Variants in MASP1 observed in about 807,000 individuals in gnomAD.
The protein encoded by MASP1 is MBL associated serine protease 1, also known as mannan-binding lectin serine protease 1.
MASP1 carries 59 observed loss-of-function variants against 77.1 expected under a neutral mutation model. The ratio of observed to expected loss-of-function variants is 0.77; its 90% CI spans 0.62 to 0.95. The LOEUF (loss-of-function observed/expected upper bound fraction) is 0.95, where lower values mean the gene tolerates loss of function less well. MASP1 is among the 40% of genes least tolerant of loss of function. The pLI is 0.00. For missense variants in MASP1, 885 were observed against 912.9 expected, an observed-to-expected ratio of 0.97 and a Z score of 0.39; for synonymous variants, 362 against 354.5, an observed-to-expected ratio of 1.02 and a Z score of -0.24.
At chr3:187,239,251 G>T (rs752218397) in intron 10 of MASP1, among the ~76,000 whole-genome samples, 1 of 151,982 alleles carries the variant, frequency 6.6e-6, no homozygotes, top group East Asian at 1.9e-4. Flanking sequence ...TACTCGAGAG[G>T]CTGAGGCAAG....
At chr3:187,224,255 G>A (rs1388424051) in intron 13 of MASP1, among the ~76,000 whole-genome samples, 1 of 152,106 alleles carries the variant, frequency 6.6e-6, no homozygotes, top group Non-Finnish European at 1.5e-5. Context: ...GAGGTAAGGG[G>A]ATTGAGGCTT....
At chr3:187,265,924 G>A (rs1168236091) in intron 2 of MASP1, among the ~76,000 whole-genome samples, 1 of 152,074 alleles carries the variant, frequency 6.6e-6, no homozygotes, top group Non-Finnish European at 1.5e-5. Context: ...TAAACAGAGG[G>A]GTCACTGGTC....
intron 3 of MASP1, 129 bp from the exon 4 acceptor site, chr3:187,261,001 C>T: frequency 9.3e-7 from 1 of 1,074,132 alleles, no homozygotes; most frequent in Non-Finnish European, 1.4e-6. Flanking sequence ...ATTTAATCCT[C>T]TCATACAGCC....
At chr3:187,226,593 C>A in intron 11 of MASP1, 1 of 1,023,548 alleles carries the variant, frequency 9.8e-7, no homozygotes, top group South Asian at 1.4e-5. Flanking sequence ...AGCTGAGGAT[C>A]TTCAGGCTAC....
intron 13 of MASP1, among the ~76,000 whole-genome samples, chr3:187,224,809 G>A (rs147379746): frequency 2.0e-4 from 31 of 152,352 alleles, no homozygotes; most frequent in African/African-American, 7.0e-4. Context: ...TGCTTTGGCT[G>A]TTGGCATCAT....
Position 187,235,690 on chromosome 3 carries a change from TTCCACCTGGGGC to T in MASP1, c.2169_2180del (p.Pro724_Glu727del). 3 of 1,614,126 alleles carry T rather than the reference TTCCACCTGGGGC, an allele frequency of 1.9e-6. No individual in the cohort carries two copies. The South Asian group carries it at 3.3e-5, about 18-fold the overall frequency. ...CCCGAGGAAGTAAGTCAGCTCACCG[TTCCACCTGGGGC>T]TCCACAACACTTTGTGGTAAGCCCA... On this transcript the variant is annotated inframe_deletion, in exon 11 of 11. Coordinates refer to ENST00000296280, the MANE Select transcript of MASP1 (RefSeq NM_139125.4).
downstream of MASP1, chr3:187,229,666 A>T: frequency 6.8e-7 from 1 of 1,470,640 alleles, no homozygotes; most frequent in Non-Finnish European, 9.4e-7. Context: ...CCCTGATGCT[A>T]GTGTGCACAA....
At chr3:187,286,955 C>G (rs1302100589) in intron 1 of MASP1, among the ~76,000 whole-genome samples, 1 of 152,178 alleles carries the variant, frequency 6.6e-6, no homozygotes, top group East Asian at 1.9e-4. Context: ...TTTTCATTTA[C>G]CCCAGAGTCA....
chr3:187,235,312 A>T lies in MASP1; in HGVS notation c.*372T>A. 7.5e-7 allele frequency: 1 copy of T among 1,337,762 alleles called. No individual in the cohort carries two copies. The highest frequency in any genetic ancestry group is 1.2e-5 in the South Asian group (1 of 81,402). The allele number at this position is 1,337,762 out of a possible 1,614,324, so 82.9% of individuals were successfully genotyped here. ...CAGGTCCAAGCTCAGTTATACCAAC[A>T]GTAGGACCGATGGGTTTGATAAGTG... On this transcript the variant is annotated 3_prime_UTR_variant, in exon 11 of 11. Coordinates refer to ENST00000296280, the MANE Select transcript of MASP1 (RefSeq NM_139125.4).
At chr3:187,223,963 G>T (rs935180130) in intron 13 of MASP1, among the ~76,000 whole-genome samples, 3 of 152,176 alleles carry the variant, frequency 2.0e-5, no homozygotes, top group African/African-American at 4.8e-5. Context: ...GGCTTGCATG[G>T]TTCGTAAATA....
intron 7 of MASP1, 156 bp downstream of exon 7, chr3:187,251,478 T>G: frequency 1.4e-6 from 1 of 707,534 alleles, no homozygotes; most frequent in South Asian, 1.5e-5. Flanking sequence ...GACGCATGCT[T>G]TGGAATTTCT....
downstream of MASP1, among the ~76,000 whole-genome samples, chr3:187,232,420 A>G (rs1401351549): frequency 6.6e-6 from 1 of 152,104 alleles, no homozygotes; most frequent in Non-Finnish European, 1.5e-5. Context: ...CTGTCCTCTA[A>G]AACTCACCAT....
chr3:187,238,305 G>T (rs1000407995), intron 10 of MASP1, among the ~76,000 whole-genome samples: 8 of 152,246 alleles, frequency 5.3e-5, no homozygotes, highest in Admixed American at 3.3e-4. Context: ...GAGAAGGCAA[G>T]TGACTTACTC....
chr3:187,273,913 A>G (rs1716736413), intron 2 of MASP1, among the ~76,000 whole-genome samples: 1 of 152,222 alleles, frequency 6.6e-6, no homozygotes, highest in Non-Finnish European at 1.5e-5. Flanking sequence ...CCATAAAAAA[A>G]GAGTAATAAT....
chr3:187,249,144 G>A (rs954611432), intron 8 of MASP1, among the ~76,000 whole-genome samples: 2 of 152,140 alleles, frequency 1.3e-5, no homozygotes, highest in East Asian at 3.9e-4. Flanking sequence ...TGCAATCTCC[G>A]CCTCCTGGGT....
chr3:187,268,303 A>G (rs767512237), intron 2 of MASP1, among the ~76,000 whole-genome samples: 4 of 151,994 alleles, frequency 2.6e-5, no homozygotes, highest in Non-Finnish European at 4.4e-5. Flanking sequence ...GCATCATAGC[A>G]AGACCCTGTC....
chr3:187,257,157 G>C (rs934892326), intron 4 of MASP1, among the ~76,000 whole-genome samples: 7 of 152,040 alleles, frequency 4.6e-5, no homozygotes, highest in East Asian at 1.9e-4. Flanking sequence ...GAGAGGGAAG[G>C]GTTTTGAGAT....
At chr3:187,243,104 G>T in intron 9 of MASP1, 1 of 329,660 alleles carries the variant, frequency 3.0e-6, no homozygotes, top group East Asian at 8.0e-5. Context: ...CCCCAACTCA[G>T]CCTCAGACCA....
intron 8 of MASP1, chr3:187,246,329 G>A (rs770606766): frequency 1.4e-5 from 13 of 958,414 alleles, no homozygotes; most frequent in Non-Finnish European, 1.6e-5. Context: ...TGCCCTGTAT[G>A]TCACTGAGTA....
Sources: gnomAD v4.1 joint callset for allele counts (sites outside exome capture counted in the v4.1 genomes callset) on GRCh38, gnomAD v4.1.1 for gene constraint, MANE v1.5 for transcripts, NCBI Gene and HGNC (gene_info 2026-07-23, HGNC 2026-07-21) for gene names.